The following TRIP12 variants were observed in gnomAD, a reference collection of about 807,000 sequenced individuals.
The protein encoded by TRIP12 is E3 ubiquitin-protein ligase TRIP12.
TRIP12 carries 25 observed loss-of-function variants against 244.2 expected under a neutral mutation model. The ratio of observed to expected loss-of-function variants is 0.10; its 90% confidence interval spans 0.07 to 0.14. The LOEUF (loss-of-function observed/expected upper bound fraction) is 0.14, where lower values mean the gene tolerates loss of function less well. TRIP12 is among the 10% of genes least tolerant of loss of function. The pLI is 1.00. For missense variants in TRIP12, 1,677 were observed against 2,486.4 expected (o/e 0.67, Z 6.92); for synonymous variants, 905 against 873.1 (o/e 1.04, Z -0.64).
chr2:229,794,564 C>A (rs2042338746), intron 26 of TRIP12, among the ~76,000 whole-genome samples: 1 of 126,334 alleles, frequency 7.9e-6, no homozygotes, highest in African/African-American at 3.4e-5. Context: ...AGACTCTGTC[C>A]CAAAATAAAT....
At chr2:229,901,684 T>C (rs1241507672) in intron 1 of TRIP12, among the ~76,000 whole-genome samples, 1 of 152,100 alleles carries the variant, frequency 6.6e-6, no homozygotes, top group African/African-American at 2.4e-5. Context: ...AACAGTTTTT[T>C]AGGAACTGGA....
intron 1 of TRIP12, among the ~76,000 whole-genome samples, chr2:229,885,518 C>G (rs1474285240): frequency 6.6e-6 from 1 of 152,174 alleles, no homozygotes; most frequent in Non-Finnish European, 1.5e-5. Context: ...AGCTCCAGTT[C>G]TGAACTACAC....
intron 1 of TRIP12, among the ~76,000 whole-genome samples, chr2:229,920,744 T>C (rs1055468689): frequency 6.6e-6 from 1 of 152,012 alleles, no homozygotes; most frequent in African/African-American, 2.4e-5. Context: ...TTTTATGTTT[T>C]TCCGCATTTT....
chr2:229,781,649 A>G (rs2038205636), intron 34 of TRIP12, among the ~76,000 whole-genome samples: 1 of 152,178 alleles, frequency 6.6e-6, no homozygotes, highest in African/African-American at 2.4e-5. Flanking sequence ...GACTGGTATA[A>G]TCCTTCCCTG....
At chr2:229,844,100 G>T (rs1306429354) in intron 4 of TRIP12, among the ~76,000 whole-genome samples, 1 of 152,154 alleles carries the variant, frequency 6.6e-6, no homozygotes, top group African/African-American at 2.4e-5. Flanking sequence ...AAACAACATT[G>T]TAAGAGAATC....
chr2:229,843,732 T>A (rs2154315553), intron 4 of TRIP12, among the ~76,000 whole-genome samples: 1 of 151,906 alleles, frequency 6.6e-6, no homozygotes, highest in East Asian at 1.9e-4. Flanking sequence ...AATAAATAAA[T>A]AAAAATAAAT....
chr2:229,776,896 T>G lies in TRIP12; in HGVS notation c.5529+419A>C, dbSNP rs4972913. ...ACCAAGGAATAGTTGTTGGCACTCATGGTGACCTTTAAAAAATATCTTCCT... is the reference window on the plus strand; with the variant it reads ...ACCAAGGAATAGTTGTTGGCACTCAGGGTGACCTTTAAAAAATATCTTCCT... On this transcript the variant is annotated intron_variant, in intron 37 of 41. Coordinates refer to ENST00000675903, the MANE Select transcript of TRIP12 (RefSeq NM_001348323.3). Among the ~76,000 whole-genome samples the G allele has an allele frequency of 1.3e-3, 199 of 152,272 alleles. 3 individuals carry two copies. The South Asian group carries it at 0.039, about 30-fold the overall frequency.
At position 229,766,830 on chromosome 2, in the gene TRIP12, A is replaced by G. The variant is rs1283804059; in HGVS notation, c.*724T>C. On this transcript the variant is annotated 3_prime_UTR_variant, in exon 42 of 42. Coordinates refer to ENST00000675903, the MANE Select transcript of TRIP12 (RefSeq NM_001348323.3). ...GTCCTTAGTGTGTCACCTGGGAAAAAGCCAGTAATACCCTAAACTATATTA... is the reference window on the plus strand; with the variant it reads ...GTCCTTAGTGTGTCACCTGGGAAAAGGCCAGTAATACCCTAAACTATATTA... 1 of 152,194 alleles carries G rather than the reference A, an allele frequency of 6.6e-6. No individual in the cohort carries two copies. Among genetic ancestry groups the G allele is most frequent in the Admixed American group, 6.5e-5 (1 of 15,276 alleles). The allele number at this position is 152,194 out of a possible 1,614,324, so 9.4% of individuals were successfully genotyped here.
chr2:229,886,709 C>T (rs886977598), intron 1 of TRIP12, among the ~76,000 whole-genome samples: 1 of 152,146 alleles, frequency 6.6e-6, no homozygotes, highest in Non-Finnish European at 1.5e-5. Context: ...TCAAGTGATC[C>T]ACCCTCCTTG....
intron 4 of TRIP12, among the ~76,000 whole-genome samples, chr2:229,843,119 C>A (rs899305732): frequency 6.7e-6 from 1 of 148,966 alleles, no homozygotes; most frequent in African/African-American, 2.5e-5. Flanking sequence ...TCTCCCCACC[C>A]CCCTTTCCCA....
chr2:229,853,530 C>T (rs1297982852), intron 4 of TRIP12, among the ~76,000 whole-genome samples: 1 of 152,012 alleles, frequency 6.6e-6, no homozygotes, highest in Non-Finnish European at 1.5e-5. Context: ...TGTGGTGGCA[C>T]CTGTGAATCC....
intron 4 of TRIP12, among the ~76,000 whole-genome samples, chr2:229,846,980 G>C (rs1229133969): frequency 6.6e-6 from 1 of 152,208 alleles, no homozygotes; most frequent in Non-Finnish European, 1.5e-5. Flanking sequence ...GGTAATTAAA[G>C]TTGCAAGAAA....
intron 1 of TRIP12, among the ~76,000 whole-genome samples, chr2:229,907,427 C>G (rs889565339): frequency 1.3e-5 from 2 of 152,180 alleles, no homozygotes; most frequent in Admixed American, 6.6e-5. Context: ...TAAAATTCTA[C>G]CACTCAAATA....
chr2:229,824,139 G>A (rs886816990), intron 8 of TRIP12, among the ~76,000 whole-genome samples: 16 of 152,120 alleles, frequency 1.1e-4, no homozygotes, highest in Non-Finnish European at 1.5e-5. Flanking sequence ...CTGTTGTAAG[G>A]TTCTTGTACT....
intron 37 of TRIP12, among the ~76,000 whole-genome samples, chr2:229,776,653 A>G (rs1272044761): frequency 2.0e-5 from 3 of 152,220 alleles, no homozygotes; most frequent in African/African-American, 4.8e-5. Context: ...GAGTTGATTA[A>G]TATTGGTCCA....
intron 2 of TRIP12, among the ~76,000 whole-genome samples, chr2:229,864,047 A>AGAGAGAGAGAGAGAGAGAGTGTGTGT: frequency 8.8e-5 from 7 of 79,314 alleles, no homozygotes; most frequent in South Asian, 1.0e-3. Flanking sequence ...AGAGAGAGAG[A>AGAGAGAGAGAGAGAGAGAGTGTGTGT]GTGTGTGTGT....
At chr2:229,888,727 C>T (rs908954509) in intron 1 of TRIP12, among the ~76,000 whole-genome samples, 6 of 152,044 alleles carry the variant, frequency 3.9e-5, no homozygotes, top group African/African-American at 1.4e-4. Context: ...TGCTTGAGCC[C>T]AGGATGCGGA....
intron 8 of TRIP12, among the ~76,000 whole-genome samples, chr2:229,820,713 C>T (rs745630021): frequency 1.3e-5 from 2 of 152,148 alleles, no homozygotes; most frequent in Non-Finnish European, 2.9e-5. Flanking sequence ...CTCAGCCTCC[C>T]AAGTAGCTGG....
intron 8 of TRIP12, among the ~76,000 whole-genome samples, chr2:229,823,633 GCCA>G (rs2050700769): frequency 6.6e-6 from 1 of 150,792 alleles, no homozygotes; most frequent in African/African-American, 2.4e-5. Context: ...CTGAGATCGC[GCCA>G]CTGCACTCCA....
Sources: gnomAD v4.1 joint callset for allele counts (sites outside exome capture counted in the v4.1 genomes callset) on GRCh38, gnomAD v4.1.1 for gene constraint, MANE v1.5 for transcripts, NCBI Gene and HGNC (gene_info 2026-07-23, HGNC 2026-07-21) for gene names.